The following AATF variants were observed in gnomAD, a reference collection of about 807,000 sequenced individuals.
The protein encoded by AATF is protein AATF.
AATF carries 48 observed loss-of-function variants against 63.7 expected under a neutral mutation model. The observed-to-expected ratio is 0.75, with a 90% confidence interval of 0.60 to 0.96. The LOEUF is 0.96. Ranked by LOEUF, AATF falls within the 40% of genes least tolerant of loss-of-function variation. AATF has a pLI of 0.00. For missense variants in AATF, 639 were observed against 685.7 expected, an observed-to-expected ratio of 0.93 and a Z score of 0.76; for synonymous variants, 258 against 247.7, an observed-to-expected ratio of 1.04 and a Z score of -0.39.
chr17:36,990,697 A>G (rs991748395), intron 7 of AATF, 77 bp from the exon 8 acceptor site: 127 of 889,568 alleles, frequency 1.4e-4, no homozygotes, highest in Non-Finnish European at 2.1e-4. Context: ...TGACTGTTCT[A>G]CATATTATTT....
intron 11 of AATF, among the ~76,000 whole-genome samples, chr17:37,034,227 G>A (rs900096687): frequency 6.6e-6 from 1 of 152,154 alleles, no homozygotes; most frequent in Non-Finnish European, 1.5e-5. Context: ...CAAGCTTTAT[G>A]GTTTGAATAG....
intron 5 of AATF, among the ~76,000 whole-genome samples, chr17:36,987,027 A>G (rs2071174166): frequency 6.6e-6 from 1 of 152,182 alleles, no homozygotes; most frequent in Non-Finnish European, 1.5e-5. Flanking sequence ...TTACACTGTC[A>G]TCCAGGCTGG....
chr17:36,981,725 T>G (rs559876384), intron 4 of AATF, among the ~76,000 whole-genome samples: 5 of 142,920 alleles, frequency 3.5e-5, no homozygotes, highest in Non-Finnish European at 6.0e-5. Context: ...TTTTTGACAG[T>G]CAGTGTCTCA....
At chr17:37,048,224 T>C (rs1157491394) in intron 11 of AATF, among the ~76,000 whole-genome samples, 1 of 152,124 alleles carries the variant, frequency 6.6e-6, no homozygotes, top group Admixed American at 6.6e-5. Flanking sequence ...TTTGGCCGTA[T>C]TCAGAAATCC....
intron 8 of AATF, among the ~76,000 whole-genome samples, chr17:36,996,743 C>A (rs2071257759): frequency 6.6e-6 from 1 of 152,140 alleles, no homozygotes; most frequent in Non-Finnish European, 1.5e-5. Context: ...GTTGTGGAAG[C>A]TGCACAGAAC....
intron 2 of AATF, among the ~76,000 whole-genome samples, chr17:36,952,684 G>A (rs780868774): frequency 4.6e-5 from 7 of 152,098 alleles, no homozygotes; most frequent in Non-Finnish European, 8.8e-5. Context: ...CTTTTGTTAG[G>A]GTAGGACCCG....
intron 1 of AATF, 54 bp downstream of exon 1, chr17:36,949,270 G>A: frequency 6.6e-7 from 1 of 1,506,114 alleles, no homozygotes; most frequent in East Asian, 2.6e-5. Flanking sequence ...GGCCCTGTGG[G>A]GCAAGGGGGC....
chr17:36,983,590 A>T (rs1172359076), intron 4 of AATF, among the ~76,000 whole-genome samples: 4 of 150,750 alleles, frequency 2.7e-5, no homozygotes, highest in Non-Finnish European at 5.9e-5. Flanking sequence ...ACCTCAAGTG[A>T]TTTGCCGACC....
chr17:37,031,339 T>TCGGTGGTC, intron 10 of AATF: 5 of 481,512 alleles, frequency 1.0e-5, no homozygotes, highest in South Asian at 2.7e-5. Context: ...GTAGATTACA[T>TCGGTGGTC]GCAAATACTA....
At chr17:37,056,165 A>G (rs531652941) in intron 11 of AATF, 36 of 160,428 alleles carry the variant, frequency 2.2e-4, no homozygotes, top group Non-Finnish European at 3.7e-4. Context: ...AGTAATTGGA[A>G]TCGTGTTGCT....
At position 37,012,113 on chromosome 17, in the gene AATF, C is replaced by T. The variant is rs113204067; in HGVS notation, c.1399-6892C>T. Among the ~76,000 whole-genome samples the T allele has an allele frequency of 6.6e-3, 998 of 151,246 alleles. 18 individuals are homozygous for T. In the East Asian group the frequency reaches 0.086, roughly 13 times the overall value. ...TGTTGCTCAGGCTGGAGTGCAATGG[C>T]GCAATCTTGGCTCACTGCAACTTCC... On this transcript the variant is annotated intron_variant, in intron 8 of 11. Coordinates refer to ENST00000619387, the MANE Select transcript of AATF (RefSeq NM_012138.4).
chr17:36,982,085 T>G (rs1037174871), intron 4 of AATF, among the ~76,000 whole-genome samples: 1 of 152,154 alleles, frequency 6.6e-6, no homozygotes, highest in African/African-American at 2.4e-5. Flanking sequence ...CTTCATATAT[T>G]GGAAATAGTA....
chr17:36,965,007 T>C (rs1054014002), intron 4 of AATF, among the ~76,000 whole-genome samples: 1 of 152,108 alleles, frequency 6.6e-6, no homozygotes, highest in Non-Finnish European at 1.5e-5. Context: ...GTTATCTGAG[T>C]TCTTGTAGGT....
chr17:36,989,278 C>G lies in AATF; in HGVS notation c.1181C>G (p.Thr394Ser). 1 of 1,613,430 alleles carries G rather than the reference C, an allele frequency of 6.2e-7. No individual in the cohort carries two copies. The highest frequency in any genetic ancestry group is 8.5e-7 in the Non-Finnish European group (1 of 1,179,608). Residue 394 changes from threonine (T) to serine (S), a missense_variant, in exon 7 of 12, where the codon ACT becomes AGT. Thr to Ser is a moderately conservative substitution (Grantham distance 58). Coordinates refer to ENST00000619387, the MANE Select transcript of AATF (RefSeq NM_012138.4). The stretch of plus-strand genomic sequence containing the variant: ...GGTGCCTTTGAACGCTCAATCTTGA[C>G]TCAGATCGACCATATTCTGATGGAC... ...GFGAFERSIL[T>S]QIDHILMDKE...
intron 4 of AATF, among the ~76,000 whole-genome samples, chr17:36,981,504 G>A (rs905581965): frequency 4.0e-5 from 6 of 151,520 alleles, no homozygotes; most frequent in Non-Finnish European, 5.9e-5. Context: ...AGTGCAGTGG[G>A]ATGATCATGG....
Position 36,988,813 on chromosome 17 carries a change from A to T in AATF, c.1149+93A>T. 4 of 1,216,194 alleles carry T rather than the reference A, an allele frequency of 3.3e-6. No homozygotes were observed. In the South Asian group the frequency reaches 5.7e-5, roughly 17 times the overall value. 75.3% of individuals were successfully genotyped at this position (1,216,194 alleles called of 1,614,324 possible). ...TTGGAACTACAGCTCATTTATATGG[A>T]TGTTGTCACGATGTAATGGTAATCA... is the stretch of plus-strand genomic sequence containing the variant. On this transcript the variant is annotated intron_variant, in intron 6 of 11. Coordinates refer to ENST00000619387, the MANE Select transcript of AATF (RefSeq NM_012138.4).
chr17:37,013,043 A>T (rs978818832), intron 8 of AATF, among the ~76,000 whole-genome samples: 1 of 152,258 alleles, frequency 6.6e-6, no homozygotes, highest in African/African-American at 2.4e-5. Flanking sequence ...CACTCTCAAG[A>T]AAGCAAAAAG....
At chr17:37,051,675 A>AAGAC (rs1215756811) in intron 11 of AATF, among the ~76,000 whole-genome samples, 125 of 149,866 alleles carry the variant, frequency 8.3e-4, no homozygotes, top group South Asian at 1.1e-3. Flanking sequence ...GCCGAATCCT[A>AAGAC]AGACAGACAG....
At chr17:36,954,210 G>A (rs1341538736) in intron 4 of AATF, among the ~76,000 whole-genome samples, 3 of 151,730 alleles carry the variant, frequency 2.0e-5, no homozygotes, top group Non-Finnish European at 2.9e-5. Context: ...TTAGCCTTCC[G>A]AGTAGCAGGG....
Sources: gnomAD v4.1 joint callset for allele counts (sites outside exome capture counted in the v4.1 genomes callset) on GRCh38, gnomAD v4.1.1 for gene constraint, MANE v1.5 for transcripts, NCBI Gene and HGNC (gene_info 2026-07-23, HGNC 2026-07-21) for gene names.